The following PRKCA variants were observed in gnomAD, a reference collection of about 807,000 sequenced individuals.
PRKCA encodes the protein protein kinase C alpha type.
Under a neutral mutation model 87.0 loss-of-function variants are expected in PRKCA, and 27 were observed. That is an observed-to-expected ratio of 0.31 (90% confidence interval 0.23 to 0.43). The LOEUF (loss-of-function observed/expected upper bound fraction) is 0.43, where lower values mean the gene tolerates loss of function less well. Among genes scored for constraint, PRKCA ranks in the 20% least tolerant of loss-of-function variants. PRKCA has a pLI of 1.00. For synonymous variants in PRKCA, 329 were observed against 311.1 expected (o/e 1.06, Z -0.61); for missense variants, 518 against 852.3 (o/e 0.61, Z 4.88).
intron 8 of PRKCA, among the ~76,000 whole-genome samples, chr17:66,698,566 A>G (rs77198978): frequency 6.6e-6 from 1 of 152,166 alleles, no homozygotes; most frequent in African/African-American, 2.4e-5. Context: ...ACAGAAACAA[A>G]TGAAAAGGAA....
chr17:66,327,528 T>C (rs1906056986), intron 2 of PRKCA, among the ~76,000 whole-genome samples: 1 of 152,116 alleles, frequency 6.6e-6, no homozygotes, highest in African/African-American at 2.4e-5. Flanking sequence ...ACAGTGAGAC[T>C]GTCTCAAAAA....
At chr17:66,785,936 C>T (rs542219336) in intron 14 of PRKCA, among the ~76,000 whole-genome samples, 1 of 152,350 alleles carries the variant, frequency 6.6e-6, no homozygotes, top group East Asian at 1.9e-4. Context: ...TCAGGCCATT[C>T]TCCTGCCTCA....
chr17:66,315,870 T>C (rs1905289334), intron 2 of PRKCA, among the ~76,000 whole-genome samples: 1 of 152,256 alleles, frequency 6.6e-6, no homozygotes, highest in African/African-American at 2.4e-5. Flanking sequence ...GTTTAGTCTA[T>C]GTCATGCCAG....
At chr17:66,556,295 C>T (rs1313281631) in intron 3 of PRKCA, among the ~76,000 whole-genome samples, 5 of 149,550 alleles carry the variant, frequency 3.3e-5, no homozygotes, top group Admixed American at 2.7e-4. Context: ...ACCTCCTGTG[C>T]TCTGAGAATA....
chr17:66,420,073 G>A (rs577621006), intron 2 of PRKCA, among the ~76,000 whole-genome samples: 40 of 149,038 alleles, frequency 2.7e-4, no homozygotes, highest in Non-Finnish European at 2.2e-4. Flanking sequence ...ATACAGTGGC[G>A]CAATCTCGGC....
intron 2 of PRKCA, among the ~76,000 whole-genome samples, chr17:66,381,922 G>A (rs1241269449): frequency 1.3e-5 from 2 of 152,144 alleles, no homozygotes; most frequent in African/African-American, 2.4e-5. Flanking sequence ...TGAAACGGAG[G>A]CTGGTAATAC....
chr17:66,629,453 T>C (rs2010593), intron 3 of PRKCA, among the ~76,000 whole-genome samples: 1 of 152,188 alleles, frequency 6.6e-6, no homozygotes, highest in Non-Finnish European at 1.5e-5. Context: ...TTTTACTAAA[T>C]TAAAATGATG....
chr17:66,761,044 C>T (rs906526384), intron 13 of PRKCA, among the ~76,000 whole-genome samples: 1 of 152,046 alleles, frequency 6.6e-6, no homozygotes, highest in Non-Finnish European at 1.5e-5. Context: ...CTGTTTTCTC[C>T]AATTGTACAT....
intron 13 of PRKCA, among the ~76,000 whole-genome samples, chr17:66,747,008 G>A (rs935660080): frequency 2.5e-4 from 38 of 152,042 alleles, no homozygotes; most frequent in African/African-American, 8.9e-4. Context: ...CCTGTGTCCC[G>A]AGAACCCCCT....
At chr17:66,339,112 G>C (rs924949244) in intron 2 of PRKCA, among the ~76,000 whole-genome samples, 1 of 152,140 alleles carries the variant, frequency 6.6e-6, no homozygotes, top group Non-Finnish European at 1.5e-5. Context: ...TGTGATTGAC[G>C]GTGCTTGAAT....
chr17:66,446,673 C>T (rs1914054706), intron 2 of PRKCA, among the ~76,000 whole-genome samples: 1 of 152,136 alleles, frequency 6.6e-6, no homozygotes, highest in African/African-American at 2.4e-5. Context: ...ACACTTAAAC[C>T]CCTCCAAGGC....
intron 3 of PRKCA, among the ~76,000 whole-genome samples, chr17:66,551,873 G>A (rs1332543906): frequency 6.6e-6 from 1 of 152,108 alleles, no homozygotes; most frequent in Non-Finnish European, 1.5e-5. Flanking sequence ...GATCTGAAGT[G>A]CATAGTTTAA....
At chr17:66,613,424 T>C (rs1447628745) in intron 3 of PRKCA, among the ~76,000 whole-genome samples, 2 of 152,222 alleles carry the variant, frequency 1.3e-5, no homozygotes, top group Admixed American at 1.3e-4. Flanking sequence ...GTTTCCAGAC[T>C]CCACTAGTTT....
intron 8 of PRKCA, among the ~76,000 whole-genome samples, chr17:66,705,625 C>T (rs1973173328): frequency 6.6e-6 from 1 of 152,138 alleles, no homozygotes; most frequent in Non-Finnish European, 1.5e-5. Flanking sequence ...GTTAATATCA[C>T]ACAAGCCTGT....
chr17:66,411,889 A>G (rs1336394084), intron 2 of PRKCA, among the ~76,000 whole-genome samples: 1 of 152,120 alleles, frequency 6.6e-6, no homozygotes, highest in African/African-American at 2.4e-5. Context: ...TGAGAATATT[A>G]AAAAAACCTT....
At chr17:66,786,018 C>T (rs534816628) in intron 14 of PRKCA, among the ~76,000 whole-genome samples, 23 of 152,190 alleles carry the variant, frequency 1.5e-4, no homozygotes, top group South Asian at 6.2e-4. Flanking sequence ...TTAGTAGAGA[C>T]GGGGTTTCAC....
chr17:66,324,963 C>T (rs1360688768), intron 2 of PRKCA, among the ~76,000 whole-genome samples: 1 of 152,218 alleles, frequency 6.6e-6, no homozygotes, highest in Non-Finnish European at 1.5e-5. Context: ...AAGTCCCTTC[C>T]TAGCTACAGA....
chr17:66,516,367 T>C (rs1378940851), intron 3 of PRKCA, among the ~76,000 whole-genome samples: 1 of 152,054 alleles, frequency 6.6e-6, no homozygotes, highest in Non-Finnish European at 1.5e-5. Context: ...GCGTGGTGGC[T>C]CACCCCTGCA....
At chr17:66,417,525 T>C (rs2143774201) in intron 2 of PRKCA, among the ~76,000 whole-genome samples, 1 of 152,214 alleles carries the variant, frequency 6.6e-6, no homozygotes, top group Non-Finnish European at 1.5e-5. Flanking sequence ...GCATTCTCTC[T>C]CTGGAATTGC....
Sources: gnomAD v4.1 joint callset for allele counts (sites outside exome capture counted in the v4.1 genomes callset) on GRCh38, gnomAD v4.1.1 for gene constraint, MANE v1.5 for transcripts, NCBI Gene and HGNC (gene_info 2026-07-23, HGNC 2026-07-21) for gene names.